The following CFAP161 variants were observed in gnomAD, a reference collection of about 807,000 sequenced individuals.
CFAP161 encodes the protein cilia- and flagella-associated protein 161.
A neutral mutation model predicts 29.0 loss-of-function variants in CFAP161; 25 were observed. The ratio of observed to expected loss-of-function variants is 0.86; its 90% CI spans 0.63 to 1.20. The LOEUF is 1.20. CFAP161 is among the 50% of genes most tolerant of loss of function. The pLI, the probability that CFAP161 is intolerant of heterozygous loss-of-function variation, is 0.00. For synonymous variants in CFAP161, 116 were observed against 137.4 expected (o/e 0.84, Z 1.09); for missense variants, 367 against 371.9 (o/e 0.99, Z 0.11).
intron 1 of CFAP161, among the ~76,000 whole-genome samples, chr15:81,121,008 A>C (rs1037942501): frequency 1.3e-5 from 2 of 152,236 alleles, no homozygotes; most frequent in Non-Finnish European, 2.9e-5. Context: ...TTGTTTTTAC[A>C]TGGAGAACCA....
In CFAP161 at chr15:81,147,950, C is replaced by T. The variant is rs771289172; in HGVS notation, c.710+19C>T. ...TCTTAAGGTATTGTATTTCAGGGTA[C>T]AACAAAATGCTGTGATTGGGGCTGG... On this transcript the variant is annotated intron_variant, in intron 6 of 6. Coordinates refer to ENST00000286732, the MANE Select transcript of CFAP161 (RefSeq NM_173528.4). 1.3e-6 allele frequency: 2 copies of T among 1,582,532 alleles called. No individual in the cohort carries two copies. The highest frequency in any genetic ancestry group is 2.3e-5 in the South Asian group (2 of 88,298).
At chr15:81,106,373 T>TCA (rs1894372898) in intron 1 of CFAP161, among the ~76,000 whole-genome samples, 2 of 152,328 alleles carry the variant, frequency 1.3e-5, no homozygotes, top group Admixed American at 1.3e-4. Context: ...GGTTTCACCG[T>TCA]GTTAACCAGG....
chr15:81,101,791 T>C (rs948147297), intron 1 of CFAP161, among the ~76,000 whole-genome samples: 6 of 152,124 alleles, frequency 3.9e-5, no homozygotes, highest in African/African-American at 1.4e-4. Flanking sequence ...GCTCTGTCAG[T>C]GTCTCTACTT....
chr15:81,099,517 C>T (rs1365363698), intron 1 of CFAP161: 1 of 152,218 alleles, frequency 6.6e-6, no homozygotes, highest in Non-Finnish European at 1.5e-5. Flanking sequence ...AACTCAGGAG[C>T]GCAGGTCAGT....
At chr15:81,143,254 A>G (rs1894944618) in intron 4 of CFAP161, among the ~76,000 whole-genome samples, 1 of 152,208 alleles carries the variant, frequency 6.6e-6, no homozygotes, top group South Asian at 2.1e-4. Context: ...TGGAGGCTGC[A>G]GTGAACCATG....
At chr15:81,104,558 G>A (rs546534202) in intron 1 of CFAP161, among the ~76,000 whole-genome samples, 2 of 152,318 alleles carry the variant, frequency 1.3e-5, no homozygotes, top group East Asian at 3.9e-4. Flanking sequence ...GAGTTACAAG[G>A]CATCCTTTTG....
chr15:81,117,731 CATCTTT>C, intron 1 of CFAP161: 1 of 321,764 alleles, frequency 3.1e-6, no homozygotes, highest in South Asian at 3.1e-5. Flanking sequence ...CATCCATCTT[CATCTTT>C]ATCAAGTCCA....
At chr15:81,116,551 C>G (rs1352701538) in intron 1 of CFAP161, among the ~76,000 whole-genome samples, 1 of 152,212 alleles carries the variant, frequency 6.6e-6, no homozygotes, top group Non-Finnish European at 1.5e-5. Context: ...CCCGCCTCAG[C>G]CTCCCAAAGT....
upstream of CFAP161, among the ~76,000 whole-genome samples, chr15:81,133,227 A>ATTT (rs111496841): frequency 4.0e-5 from 2 of 50,404 alleles, no homozygotes; most frequent in African/African-American, 7.1e-5. Context: ...ATATATATGT[A>ATTT]TTTTTTTTTA....
upstream of CFAP161, among the ~76,000 whole-genome samples, chr15:81,133,975 C>T (rs1169358042): frequency 6.6e-6 from 1 of 152,162 alleles, no homozygotes; most frequent in Admixed American, 6.5e-5. Context: ...TTAAAAGCTC[C>T]TCTTTGTTGC....
chr15:81,127,909 T>C (rs1307569321), intron 2 of CFAP161, among the ~76,000 whole-genome samples: 4 of 152,188 alleles, frequency 2.6e-5, no homozygotes, highest in Admixed American at 2.0e-4. Flanking sequence ...GTAAACTATG[T>C]GTGTATTCAG....
rs1894771830 is a variant in CFAP161, at chr15:81,134,371, C to G, written c.42C>G (p.Asn14Lys). The G allele has an allele frequency of 6.3e-7, 1 of 1,590,952 alleles. No individual in the cohort carries two copies. The change falls in exon 1 of 7, where the codon AAC becomes AAG. Residue 14 changes from asparagine (N) to lysine (K), a missense_variant. By Grantham distance (94) the Asn-to-Lys change is moderately conservative. Transcript: ENST00000286732. ...ATGGTCCGGGAGTCCGGATAGGCAA[C>G]TGGAATGAGGATGTCTACCTGGAGG... Reference protein sequence around the residue: ...NVYGPGVRIGNWNEDVYLEEE... With the variant: ...NVYGPGVRIGKWNEDVYLEEE...
rs527465471 is a variant in CFAP161, at chr15:81,101,526, C to CAAAAAA, written c.-141-26043_-141-26038dup. On this transcript the variant is annotated intron_variant, in intron 1 of 4. Transcript: ENST00000560091. ...TGGGTGACAGAGTAAGACTCTGTCTCAAAAAAAAAAAAAAAAAAAAAAAAA... is the reference window on the plus strand; with the variant it reads ...TGGGTGACAGAGTAAGACTCTGTCTCAAAAAAAAAAAAAAAAAAAAAAAAAAAAAAA... 1.7e-4 allele frequency among the ~76,000 whole-genome samples: 8 copies of CAAAAAA among 46,106 alleles called. 1 individual carries two copies. The highest frequency in any genetic ancestry group is 3.0e-4 in the African/African-American group (3 of 9,948). 30.2% of individuals were successfully genotyped at this position (46,106 alleles called of 152,430 possible).
upstream of CFAP161, among the ~76,000 whole-genome samples, chr15:81,130,211 G>T (rs895141970): frequency 6.6e-6 from 1 of 152,168 alleles, no homozygotes; most frequent in Non-Finnish European, 1.5e-5. Flanking sequence ...ATCTAGACCA[G>T]TAAAACTTTT....
At chr15:81,105,090 T>TTCCCTCCCTCCCTCCCTCCCTCCCTCCC (rs1157434749) in intron 1 of CFAP161, among the ~76,000 whole-genome samples, 1 of 46,390 alleles carries the variant, frequency 2.2e-5, no homozygotes, top group Admixed American at 1.9e-4. Context: ...TTCTTTTCTT[T>TTCCCTCCCTCCCTCCCTCCCTCCCTCCC]TCCCTCCCTC....
At chr15:81,141,865 A>T (rs986998025) in intron 4 of CFAP161, among the ~76,000 whole-genome samples, 1 of 151,968 alleles carries the variant, frequency 6.6e-6, no homozygotes, top group African/African-American at 2.4e-5. Context: ...TTGTATTTTT[A>T]GTAGAGACAG....
chr15:81,104,592 A>G (rs1425938091), intron 1 of CFAP161, among the ~76,000 whole-genome samples: 1 of 152,234 alleles, frequency 6.6e-6, no homozygotes, highest in Non-Finnish European at 1.5e-5. Flanking sequence ...GGTTCTAGAA[A>G]GATTGCATTT....
At chr15:81,139,678 G>A (rs1894873260) in intron 4 of CFAP161, among the ~76,000 whole-genome samples, 2 of 152,108 alleles carry the variant, frequency 1.3e-5, no homozygotes, top group Admixed American at 6.5e-5. Context: ...TATATGTAAA[G>A]TTCCAGTGTG....
At chr15:81,132,172 G>T (rs148109817), upstream of CFAP161, among the ~76,000 whole-genome samples, 6 of 152,258 alleles carry the variant, frequency 3.9e-5, no homozygotes, top group Non-Finnish European at 8.8e-5. Flanking sequence ...AGGTACTCAG[G>T]AGGCTGAGGC....
Sources: allele counts gnomAD v4.1 joint callset (sites outside exome capture counted in the v4.1 genomes callset), GRCh38; gene constraint gnomAD v4.1.1; transcripts MANE v1.5; gene names NCBI Gene and HGNC (gene_info 2026-07-23, HGNC 2026-07-21).